Variants in MYO1E observed in about 807,000 individuals in gnomAD.
The protein encoded by MYO1E is unconventional myosin-Ie.
Under a neutral mutation model 151.1 loss-of-function variants are expected in MYO1E, and 68 were observed. The ratio of observed to expected loss-of-function variants is 0.45; its 90% CI spans 0.37 to 0.55. MYO1E has a LOEUF of 0.55. Ranked by LOEUF, MYO1E falls within the 20% of genes least tolerant of loss-of-function variation. MYO1E has a pLI of 0.00. For synonymous variants in MYO1E, 601 were observed against 501.7 expected (o/e 1.20, Z -2.64); for missense variants, 1,363 against 1,389.3 (o/e 0.98, Z 0.30).
chr15:59,226,995 A>C (rs547951509), intron 7 of MYO1E, among the ~76,000 whole-genome samples: 18 of 152,322 alleles, frequency 1.2e-4, no homozygotes, highest in African/African-American at 3.9e-4. Flanking sequence ...CCGGTAGCTC[A>C]CGTTCTGGAG....
intron 2 of MYO1E, among the ~76,000 whole-genome samples, chr15:59,264,269 G>A (rs2080240578): frequency 6.6e-6 from 1 of 152,170 alleles, no homozygotes; most frequent in Non-Finnish European, 1.5e-5. Flanking sequence ...CTGAGGCACG[G>A]AGAAATTTTT....
At chr15:59,144,270 A>G (rs1185788293) in intron 26 of MYO1E, among the ~76,000 whole-genome samples, 1 of 151,756 alleles carries the variant, frequency 6.6e-6, no homozygotes, top group Non-Finnish European at 1.5e-5. Flanking sequence ...AGGTTCAAGC[A>G]ATTCTCGTGC....
At chr15:59,311,056 T>G (rs1372822553) in intron 1 of MYO1E, among the ~76,000 whole-genome samples, 1 of 152,110 alleles carries the variant, frequency 6.6e-6, no homozygotes, top group Non-Finnish European at 1.5e-5. Context: ...CACTCTGCCC[T>G]GGAGTCCAGC....
Position 59,161,102 on chromosome 15 carries a change from C to G in MYO1E, c.2756G>C (p.Ser919Thr). 1 of 1,613,896 alleles carries G rather than the reference C, an allele frequency of 6.2e-7. No homozygotes were observed. Among genetic ancestry groups the G allele is most frequent in the Non-Finnish European group, 8.5e-7 (1 of 1,180,034 alleles). The change falls in exon 24 of 28, where the codon AGC (serine) becomes ACC (threonine). Residue 919 changes from serine to threonine, a missense_variant. Coordinates refer to ENST00000288235, the MANE Select transcript of MYO1E (RefSeq NM_004998.4). ...LKPSNKVLQV[S>T]IGPGLPKNSR... ...GTTCTTGGGCAGTCCAGGTCCGATG[C>G]TGACCTGCAGCACTTTGTTACTGGG...
chr15:59,250,385 T>C (rs2080156951), intron 4 of MYO1E, among the ~76,000 whole-genome samples: 1 of 152,102 alleles, frequency 6.6e-6, no homozygotes, highest in Admixed American at 6.5e-5. Context: ...CAGGTGATGT[T>C]TTCTGGTCGG....
chr15:59,160,863 G>A (rs1423425930), intron 24 of MYO1E, among the ~76,000 whole-genome samples: 2 of 152,020 alleles, frequency 1.3e-5, no homozygotes, highest in Non-Finnish European at 2.9e-5. Flanking sequence ...TGATACATAA[G>A]TACTAAGTCC....
At chr15:59,138,538 C>G (rs567862765) in intron 26 of MYO1E, among the ~76,000 whole-genome samples, 171 bp from the exon 27 acceptor site, 2 of 152,310 alleles carry the variant, frequency 1.3e-5, no homozygotes, top group South Asian at 4.1e-4. Flanking sequence ...ATAAAAGTAA[C>G]TTTTCTGACA....
At chr15:59,206,813 G>A in intron 14 of MYO1E, 3 of 921,550 alleles carry the variant, frequency 3.3e-6, no homozygotes, top group Non-Finnish European at 4.8e-6. Flanking sequence ...GCAGTAGAGG[G>A]CCAGGGGGCG....
At chr15:59,231,611 G>A in intron 6 of MYO1E, 91 bp downstream of exon 6, 1 of 1,328,286 alleles carries the variant, frequency 7.5e-7, no homozygotes, top group Non-Finnish European at 1.1e-6. Flanking sequence ...ATATGTGAAA[G>A]GCTCCCATTT....
chr15:59,213,132 TTTATTTA>T (rs1450138552), intron 12 of MYO1E, among the ~76,000 whole-genome samples: 37 of 122,376 alleles, frequency 3.0e-4, no homozygotes, highest in African/African-American at 1.3e-3. Context: ...CACTGAACTA[TTTATTTA>T]TTATTATTAT....
chr15:59,372,559 G>T lies in MYO1E; in HGVS notation c.-59C>A. On this transcript the variant is annotated 5_prime_UTR_variant, in exon 1 of 28. Transcript: ENST00000288235. ...TCCCGCTGCCGGGGAACTGGGGCTG[G>T]AACGCAGTCTTCTGGGCGAACTTCA... The T allele has an allele frequency of 6.5e-7, 1 of 1,533,266 alleles. No individual in the cohort carries two copies. The allele number at this position is 1,533,266 out of a possible 1,614,324, so 95.0% of individuals were successfully genotyped here.
chr15:59,324,684 G>A (rs942262676), intron 1 of MYO1E, among the ~76,000 whole-genome samples: 3 of 151,244 alleles, frequency 2.0e-5, no homozygotes, highest in Non-Finnish European at 4.4e-5. Flanking sequence ...ACAGAGGGCA[G>A]CATACAGCAG....
chr15:59,368,581 T>C (rs1309601918), intron 1 of MYO1E, among the ~76,000 whole-genome samples: 1 of 151,576 alleles, frequency 6.6e-6, no homozygotes, highest in Non-Finnish European at 1.5e-5. Flanking sequence ...CCGTCTCCAC[T>C]AAAAAATACA....
intron 1 of MYO1E, among the ~76,000 whole-genome samples, chr15:59,368,745 C>CA (rs71996121): frequency 0.021 from 3,012 of 144,314 alleles, 87 homozygotes; most frequent in African/African-American, 0.071. Context: ...GACTCCAACT[C>CA]AAAAAAAAAA....
chr15:59,176,585 C>T (rs2079626630), intron 19 of MYO1E, among the ~76,000 whole-genome samples: 1 of 151,918 alleles, frequency 6.6e-6, no homozygotes, highest in Non-Finnish European at 1.5e-5. Context: ...CCTCAGCCTC[C>T]TGAGTAGCTA....
chr15:59,198,166 T>C (rs556685805), intron 16 of MYO1E, among the ~76,000 whole-genome samples: 1 of 152,324 alleles, frequency 6.6e-6, no homozygotes, highest in South Asian at 2.1e-4. Context: ...GTGCCCAACC[T>C]TGGGTCAACT....
intron 26 of MYO1E, among the ~76,000 whole-genome samples, chr15:59,141,321 C>A (rs1057152786): frequency 6.6e-6 from 1 of 152,216 alleles, no homozygotes; most frequent in Non-Finnish European, 1.5e-5. Flanking sequence ...CTCACAGATA[C>A]TAAACTCCAC....
At chr15:59,161,948 G>T (rs1376285590) in intron 23 of MYO1E, among the ~76,000 whole-genome samples, 2 of 152,104 alleles carry the variant, frequency 1.3e-5, no homozygotes, top group Non-Finnish European at 2.9e-5. Flanking sequence ...TGATATAAAG[G>T]CTTTGTCTTG....
chr15:59,338,430 T>A (rs1198820737), intron 1 of MYO1E, among the ~76,000 whole-genome samples: 1 of 152,176 alleles, frequency 6.6e-6, no homozygotes, highest in Non-Finnish European at 1.5e-5. Context: ...TATAAATCCA[T>A]GAAGGGATAT....
Sources: allele counts gnomAD v4.1 joint callset (sites outside exome capture counted in the v4.1 genomes callset), GRCh38; gene constraint gnomAD v4.1.1; transcripts MANE v1.5; gene names NCBI Gene and HGNC (gene_info 2026-07-23, HGNC 2026-07-21).